The following CNTN4 variants were observed in gnomAD, a reference collection of about 807,000 sequenced individuals.
CNTN4 encodes the protein contactin-4.
In CNTN4, 77 loss-of-function variants were observed where a neutral mutation model predicts 122.5. That is an observed-to-expected ratio of 0.63 (90% confidence interval 0.52 to 0.76). CNTN4 has a LOEUF of 0.76. Ranked by LOEUF, CNTN4 falls within the 30% of genes least tolerant of loss-of-function variation. The probability of loss-of-function intolerance (pLI) is 0.00; values close to 1 mark genes in which losing one functional copy is unlikely to be tolerated. For missense variants in CNTN4, 1,256 were observed against 1,259.1 expected, an observed-to-expected ratio of 1.00 and a Z score of 0.04; for synonymous variants, 512 against 447.0, an observed-to-expected ratio of 1.15 and a Z score of -1.83.
chr3:2,841,251 T>G lies in CNTN4; in HGVS notation c.454+21670T>G, dbSNP rs1033990721. Among the ~76,000 whole-genome samples the G allele has an allele frequency of 4.6e-5, 7 of 152,148 alleles. No individual in the cohort carries two copies. Among genetic ancestry groups the G allele is most frequent in the African/African-American group, 1.4e-4 (6 of 41,436 alleles). ...GGGTGGATTTTAACTTTTAACCCAG[T>G]TTTTCAGATGTGTTAATATATAGTG... On this transcript the variant is annotated intron_variant, in intron 7 of 24. Transcript: ENST00000418658. This position sits in a 1 kb window ranked among gnomAD's most constrained non-coding sequence, Gnocchi z 4.8.
intron 4 of CNTN4, among the ~76,000 whole-genome samples, chr3:2,721,165 G>T (rs1432878706): frequency 2.0e-5 from 3 of 151,722 alleles, no homozygotes; most frequent in Non-Finnish European, 4.4e-5. Flanking sequence ...AGAGATGAGG[G>T]TTCACCATGT....
chr3:2,991,016 A>C (rs927181900), intron 14 of CNTN4, among the ~76,000 whole-genome samples: 2 of 152,202 alleles, frequency 1.3e-5, no homozygotes, highest in African/African-American at 4.8e-5. Flanking sequence ...AAAAGTACTA[A>C]ATATGCATTG....
At chr3:2,998,902 A>G (rs529727337) in intron 14 of CNTN4, 1 of 152,366 alleles carries the variant, frequency 6.6e-6, no homozygotes, top group East Asian at 1.9e-4. Flanking sequence ...GCTTCTTCTA[A>G]GAGACATTAG....
intron 6 of CNTN4, among the ~76,000 whole-genome samples, chr3:2,759,317 G>A (rs548970527): frequency 1.8e-4 from 27 of 152,010 alleles, no homozygotes; most frequent in African/African-American, 6.0e-4. Context: ...CACCACGCCC[G>A]GCTAATTTTT....
chr3:2,343,096 A>G (rs2044267347), intron 3 of CNTN4, among the ~76,000 whole-genome samples: 1 of 152,226 alleles, frequency 6.6e-6, no homozygotes, highest in African/African-American at 2.4e-5. Context: ...TCAATAAAGT[A>G]ATAAGGAAAT....
chr3:2,250,380 T>A (rs759474535), intron 2 of CNTN4, among the ~76,000 whole-genome samples: 1 of 151,910 alleles, frequency 6.6e-6, no homozygotes, highest in Non-Finnish European at 1.5e-5. Context: ...TTAAACAAAA[T>A]TAGATTAAAA....
At chr3:2,307,799 T>C (rs1445241037) in intron 2 of CNTN4, among the ~76,000 whole-genome samples, 1 of 133,902 alleles carries the variant, frequency 7.5e-6, no homozygotes, top group Non-Finnish European at 1.5e-5. Context: ...GAATAATCTG[T>C]TGTGGTCATA....
intron 14 of CNTN4, among the ~76,000 whole-genome samples, chr3:3,022,998 A>G (rs1209727617): frequency 6.6e-6 from 1 of 152,202 alleles, no homozygotes; most frequent in Non-Finnish European, 1.5e-5. Flanking sequence ...TCATAAATAT[A>G]GGTTCTTCCT....
chr3:2,198,360 G>A (rs1344402749), intron 2 of CNTN4, among the ~76,000 whole-genome samples: 1 of 152,120 alleles, frequency 6.6e-6, no homozygotes, highest in Admixed American at 6.5e-5. Context: ...AATTCAAACT[G>A]TTGTCAGCTT....
intron 4 of CNTN4, among the ~76,000 whole-genome samples, chr3:2,582,728 C>G (rs1023083381): frequency 6.6e-6 from 1 of 152,116 alleles, no homozygotes; most frequent in Non-Finnish European, 1.5e-5. Context: ...TAGGCAGTCA[C>G]TTCACCTATT....
chr3:2,254,715 T>TTTC, intron 2 of CNTN4, among the ~76,000 whole-genome samples: 1 of 152,240 alleles, frequency 6.6e-6, no homozygotes, highest in East Asian at 1.9e-4. Context: ...TTCATATCAT[T>TTTC]TGCCCACTTT....
At chr3:2,999,262 A>C (rs1013119532) in intron 14 of CNTN4, 3 of 152,210 alleles carry the variant, frequency 2.0e-5, no homozygotes, top group Non-Finnish European at 4.4e-5. Context: ...ATATGTTTCT[A>C]TCTCCTGCTC....
chr3:2,190,978 A>G lies in CNTN4; in HGVS notation c.-145+90339A>G, dbSNP rs553303878. Among the ~76,000 whole-genome samples, 3 of 152,220 alleles carry G rather than the reference A, an allele frequency of 2.0e-5. No homozygotes were observed. The East Asian group carries it at 5.8e-4, about 29-fold the overall frequency. ...TTCTTGACTTTCACCTCACCAGTTC[A>G]AGACCCTTGAAAGTCTTGAGTTTTC... On this transcript the variant is annotated intron_variant, in intron 2 of 24. Coordinates refer to ENST00000418658, the MANE Select transcript of CNTN4 (RefSeq NM_175607.3).
At chr3:2,946,693 C>CTTTTTTTTTTTTTTTTTTTTTTTTT (rs1553703098) in intron 13 of CNTN4, among the ~76,000 whole-genome samples, 1 of 127,768 alleles carries the variant, frequency 7.8e-6, no homozygotes, top group Non-Finnish European at 1.7e-5. Context: ...AGACAGCTTG[C>CTTTTTTTTTTTTTTTTTTTTTTTTT]TTTTTTTTTT....
At chr3:2,996,054 T>C (rs1194180300) in intron 14 of CNTN4, among the ~76,000 whole-genome samples, 1 of 152,178 alleles carries the variant, frequency 6.6e-6, no homozygotes, top group Non-Finnish European at 1.5e-5. Context: ...TAATACCTTA[T>C]AATGTTTGCA....
Position 2,663,050 on chromosome 3 carries a change from C to T in CNTN4, c.56-73165C>T, listed in dbSNP as rs576693964. ...CCAAGAGGCAGAAGTTGCAGTGAGC[C>T]GAGATCACGCCACTGCACTCCATCC... On this transcript the variant is annotated intron_variant, in intron 4 of 24. Transcript: ENST00000418658. Among the ~76,000 whole-genome samples the T allele has an allele frequency of 1.7e-3, 259 of 151,584 alleles. 3 individuals are homozygous for T. The highest frequency in any genetic ancestry group is 5.9e-3 in the African/African-American group (245 of 41,300).
At chr3:2,309,770 T>C (rs1030829736) in intron 2 of CNTN4, among the ~76,000 whole-genome samples, 43 of 152,162 alleles carry the variant, frequency 2.8e-4, no homozygotes, top group Non-Finnish European at 2.9e-5. Context: ...ACATAGTTTG[T>C]GGAACAAGCA....
chr3:2,397,274 A>G (rs1228831980), intron 3 of CNTN4, among the ~76,000 whole-genome samples: 1 of 152,134 alleles, frequency 6.6e-6, no homozygotes, highest in African/African-American at 2.4e-5. Context: ...TACAGCTCTT[A>G]TATTCTTTGA....
intron 6 of CNTN4, among the ~76,000 whole-genome samples, chr3:2,795,438 A>G (rs1466503633): frequency 6.6e-6 from 1 of 150,832 alleles, no homozygotes; most frequent in Non-Finnish European, 1.5e-5. Context: ...GGAGGAAGGG[A>G]CTCTATAATC....
Sources: gnomAD v4.1 joint callset for allele counts (sites outside exome capture counted in the v4.1 genomes callset) on GRCh38, gnomAD v4.1.1 for gene constraint, Gnocchi (gnomAD v3.1) non-coding constraint, MANE v1.5 for transcripts, NCBI Gene and HGNC (gene_info 2026-07-23, HGNC 2026-07-21) for gene names.